The following URB1 variants were observed in gnomAD, a reference collection of about 807,000 sequenced individuals.
URB1 encodes the protein nucleolar pre-ribosomal-associated protein 1.
URB1 carries 197 observed loss-of-function variants against 242.3 expected under a neutral mutation model. That is an observed-to-expected ratio of 0.81 (90% confidence interval 0.72 to 0.91). The LOEUF (loss-of-function observed/expected upper bound fraction) is 0.91, where lower values mean the gene tolerates loss of function less well. Ranked by LOEUF, URB1 falls within the 40% of genes least tolerant of loss-of-function variation. URB1 has a pLI of 0.00. For missense variants in URB1, 2,721 were observed against 2,860.5 expected (o/e 0.95, Z 1.11); for synonymous variants, 1,153 against 1,201.8 (o/e 0.96, Z 0.84).
At chr21:32,349,546 A>C in intron 20 of URB1, 63 bp from the exon 21 acceptor site, 1 of 1,451,866 alleles carries the variant, frequency 6.9e-7, no homozygotes, top group Admixed American at 2.7e-5. Flanking sequence ...CCAGGCAGTG[A>C]CTTCCAGGGC....
intron 8 of URB1, among the ~76,000 whole-genome samples, chr21:32,371,901 A>G (rs1428242784): frequency 1.3e-5 from 2 of 152,212 alleles, no homozygotes; most frequent in African/African-American, 4.8e-5. Flanking sequence ...AGTAGATTTG[A>G]ACTTAATATG....
intron 5 of URB1, chr21:32,377,279 G>A: frequency 1.9e-6 from 1 of 516,080 alleles, no homozygotes; most frequent in Non-Finnish European, 3.9e-6. Flanking sequence ...GGGGTACTAT[G>A]AGAGGTCCAG....
Position 32,385,576 on chromosome 21 carries a change from A to G in URB1, c.251T>C (p.Leu84Pro). 6 of 1,552,086 alleles carry G rather than the reference A, an allele frequency of 3.9e-6. No homozygotes were observed. The highest frequency in any genetic ancestry group is 1.4e-5 in the African/African-American group (1 of 73,142). ...TTCAGGTCGTTTCTCTCCACTTAGG[A>G]GCTGGAAAATTTCGACACACTCAAC... is the stretch of plus-strand genomic sequence containing the variant. ...ISVECVEIFQ[L>P]LSGEKRPESE... The change falls in exon 2 of 39, where the codon CTC (leucine) becomes CCC (proline). Residue 84 changes from leucine (L) to proline (P), a missense_variant. Coordinates refer to ENST00000382751, the MANE Select transcript of URB1 (RefSeq NM_014825.3).
chr21:32,360,650 G>T (rs1712411555), intron 13 of URB1, among the ~76,000 whole-genome samples: 1 of 152,162 alleles, frequency 6.6e-6, no homozygotes, highest in African/African-American at 2.4e-5. Flanking sequence ...GCATAAACAG[G>T]ATGTCCCTTC....
rs752991764 is a variant in URB1 at position 32,349,357 on chromosome 21, C to T, written c.2959G>A (p.Asp987Asn). ...QRCEAARAEADLFLDMESVAS... is the reference protein window; with the variant it reads ...QRCEAARAEANLFLDMESVAS... ...ACGGACTCCATGTCCAGGAAGAGGT[C>T]GGCTTCGGCCCGGGCGGCCTCGCAT... The change falls in exon 21 of 39, where the codon GAC becomes AAC. Residue 987 changes from aspartate to asparagine, a missense_variant. By Grantham distance (23) the Asp-to-Asn change is conservative (BLOSUM62 1). Coordinates refer to ENST00000382751, the MANE Select transcript of URB1 (RefSeq NM_014825.3). 60 of 1,551,148 alleles carry T rather than the reference C, an allele frequency of 3.9e-5. No individual in the cohort carries two copies. The highest frequency in any genetic ancestry group is 7.1e-5 in the South Asian group (6 of 84,022).
Position 32,312,026 on chromosome 21 carries a change from A to T in URB1, c.*2892T>A. On this transcript the variant is annotated 3_prime_UTR_variant, in exon 39 of 39. Transcript: ENST00000382751. Reference sequence around the variant, plus strand: ...AGTAAATCGTGGCCATAGCTGAGTGAACTGGTGAAATCAAGCCAACCTGGA... The same window carrying T: ...AGTAAATCGTGGCCATAGCTGAGTGTACTGGTGAAATCAAGCCAACCTGGA... 6.2e-7 allele frequency: 1 copy of T among 1,612,376 alleles called. No individual in the cohort carries two copies. The highest frequency in any genetic ancestry group is 1.1e-5 in the South Asian group (1 of 91,088).
At chr21:32,373,834 T>C (rs1199001901) in intron 6 of URB1, 62 bp from the exon 7 acceptor site, 4 of 1,397,688 alleles carry the variant, frequency 2.9e-6, no homozygotes, top group Non-Finnish European at 3.8e-6. Context: ...TGGAATTCAA[T>C]TATTTTTTAA....
chr21:32,354,772 A>C, intron 17 of URB1, 87 bp downstream of exon 17: 1 of 1,472,658 alleles, frequency 6.8e-7, no homozygotes, highest in Non-Finnish European at 9.1e-7. Context: ...CTAGGGCATT[A>C]GTGCAGTTCT....
At chr21:32,322,422 G>C in intron 33 of URB1, 56 bp downstream of exon 33, 1 of 1,404,726 alleles carries the variant, frequency 7.1e-7, no homozygotes, top group Middle Eastern at 1.8e-4. Context: ...TGACAACGGT[G>C]GCTGCATCAT....
At position 32,311,503 on chromosome 21, in the gene URB1, T is replaced by G; in HGVS notation, c.*3415A>C. On this transcript the variant is annotated 3_prime_UTR_variant, in exon 39 of 39. Coordinates refer to ENST00000382751, the MANE Select transcript of URB1 (RefSeq NM_014825.3). ...TCCTGACAAAGCACTTCCTCTCCTC[T>G]GAGATTTCTCTAGAATGGCCACCTT... 1.4e-4 allele frequency: 94 copies of G among 651,990 alleles called. No individual in the cohort carries two copies. The highest frequency in any genetic ancestry group is 2.1e-4 in the Non-Finnish European group (88 of 427,668). 40.4% of individuals were successfully genotyped at this position (651,990 alleles called of 1,614,324 possible).
At chr21:32,319,948 T>C (rs2032744480) in intron 35 of URB1, among the ~76,000 whole-genome samples, 1 of 152,222 alleles carries the variant, frequency 6.6e-6, no homozygotes. Flanking sequence ...GACAGAGCCC[T>C]CCCGCCAAGT....
chr21:32,350,929 G>C lies in URB1; in HGVS notation c.2614-7C>G. The C allele has an allele frequency of 1.3e-6, 2 of 1,542,148 alleles. No homozygotes were observed. Among genetic ancestry groups the C allele is most frequent in the Non-Finnish European group, 1.7e-6 (2 of 1,145,144 alleles). The stretch of plus-strand genomic sequence containing the variant: ...TGCCCTGTGCCTGCAGCAGCTGAGG[G>C]AGACAGCAAAAGGCCGGGGAAGAGA... On this transcript the variant is annotated splice_region_variant and splice_polypyrimidine_tract_variant and intron_variant, in intron 19 of 38. Coordinates refer to ENST00000382751, the MANE Select transcript of URB1 (RefSeq NM_014825.3).
Position 32,392,833 on chromosome 21 carries a change from G to A in URB1, c.78C>T (p.Arg26=), listed in dbSNP as rs1260770292. 2.0e-6 allele frequency: 3 copies of A among 1,532,858 alleles called. No homozygotes were observed. Among genetic ancestry groups the A allele is most frequent in the South Asian group, 2.4e-5 (2 of 83,358 alleles). The allele number at this position is 1,532,858 out of a possible 1,614,324, so 95.0% of individuals were successfully genotyped here. Residue 26 remains arginine (R), a synonymous_variant, in exon 1 of 39, where the codon CGC becomes CGT. Coordinates refer to ENST00000382751, the MANE Select transcript of URB1 (RefSeq NM_014825.3). ...ACCGCACGCCCGTGAGCTCTTCTTT[G>A]CGGGCGCGCTTGGCTGCACCCGCGG... ...ASSAGAAKRA[R]KEELTGVRFK...
intron 32 of URB1, among the ~76,000 whole-genome samples, chr21:32,322,830 C>T (rs988015862): frequency 2.6e-5 from 4 of 152,190 alleles, no homozygotes; most frequent in Non-Finnish European, 5.9e-5. Flanking sequence ...TCAGGGACCT[C>T]GCACCCTCCG....
At chr21:32,363,083 C>A in intron 11 of URB1, 73 bp downstream of exon 11, 1 of 1,498,860 alleles carries the variant, frequency 6.7e-7, no homozygotes, top group Non-Finnish European at 8.9e-7. Flanking sequence ...TGGCTTCCAC[C>A]CTAGGGCTGC....
rs2033575514 is a variant in URB1, at chr21:32,385,622, C to G, written c.205G>C (p.Glu69Gln). ...TCAACAGAAATCTTTATATACCCTT[C>G]CACAACATCATACACATCTTCTCGT... ...LPREDVYDVV[E>Q]GYIKISVECV... The change falls in exon 2 of 39, where the codon GAA becomes CAA. Residue 69 changes from glutamate (E) to glutamine (Q), a missense_variant. By Grantham distance (29) the Glu-to-Gln change is conservative (BLOSUM62 2). Transcript: ENST00000382751. 1.9e-6 allele frequency: 3 copies of G among 1,551,846 alleles called. No individual in the cohort carries two copies. The highest frequency in any genetic ancestry group is 2.6e-6 in the Non-Finnish European group (3 of 1,147,020).
Position 32,350,701 on chromosome 21 carries a change from G to A in URB1, c.2832+3C>T. The A allele has an allele frequency of 1.9e-6, 3 of 1,550,790 alleles. No homozygotes were observed. Among genetic ancestry groups the A allele is most frequent in the Non-Finnish European group, 2.6e-6 (3 of 1,146,538 alleles). On this transcript the variant is annotated splice_donor_region_variant and intron_variant, in intron 20 of 38. Coordinates refer to ENST00000382751, the MANE Select transcript of URB1 (RefSeq NM_014825.3). ...GCCTGTGGAGGATGGGGGCAACGCT[G>A]ACCTGGCCGAAGTTCTCCACAGTGC... is the stretch of plus-strand genomic sequence containing the variant.
At position 32,366,638 on chromosome 21, in the gene URB1, T is replaced by A. The variant is rs528194072; in HGVS notation, c.1315A>T (p.Met439Leu). ...TTVPLVCNKS[M>L]FTQALNLDST... Reference sequence around the variant, plus strand: ...CTTACGTTTAATGCTTGGGTGAACATGCTCTTATTGCACACCAGGGGCACG... The same window carrying A: ...CTTACGTTTAATGCTTGGGTGAACAAGCTCTTATTGCACACCAGGGGCACG... The change falls in exon 10 of 39, where the codon ATG (methionine) becomes TTG (leucine). Residue 439 changes from methionine (M) to leucine (L), a missense_variant. By Grantham distance (15) the Met-to-Leu change is conservative. Coordinates refer to ENST00000382751, the MANE Select transcript of URB1 (RefSeq NM_014825.3). 4.4e-5 allele frequency: 68 copies of A among 1,551,470 alleles called. No homozygotes were observed. In the African/African-American group the frequency reaches 6.3e-4, roughly 14 times the overall value.
chr21:32,354,588 G>GATTTACATGA (rs1330316727), intron 17 of URB1, among the ~76,000 whole-genome samples: 1 of 152,024 alleles, frequency 6.6e-6, no homozygotes, highest in Non-Finnish European at 1.5e-5. Context: ...TTTCTCTTGG[G>GATTTACATGA]GTTGCTTATG....
Sources: allele counts gnomAD v4.1 joint callset (sites outside exome capture counted in the v4.1 genomes callset), GRCh38; gene constraint gnomAD v4.1.1; transcripts MANE v1.5; gene names NCBI Gene and HGNC (gene_info 2026-07-23, HGNC 2026-07-21).